SETD2: variants seen among roughly 807,000 people sequenced by gnomAD.
SETD2 encodes histone-lysine N-methyltransferase SETD2.
Under a neutral mutation model 242.1 loss-of-function variants are expected in SETD2, and 31 were observed. The ratio of observed to expected loss-of-function variants is 0.13; its 90% CI spans 0.10 to 0.17. The LOEUF is 0.17. SETD2 is among the 10% of genes least tolerant of loss of function. The pLI, the probability that SETD2 is intolerant of heterozygous loss-of-function variation, is 1.00. For missense variants in SETD2, 2,481 were observed against 3,046.3 expected (o/e 0.81, Z 4.37); for synonymous variants, 1,006 against 1,066.5 (o/e 0.94, Z 1.11).
intron 12 of SETD2, among the ~76,000 whole-genome samples, chr3:47,074,022 G>A (rs1303252413): frequency 6.6e-6 from 1 of 152,186 alleles, no homozygotes; most frequent in East Asian, 1.9e-4. Flanking sequence ...GTGAATGTGT[G>A]CAATGACTTA....
chr3:47,033,976 G>C (rs2038892731), intron 18 of SETD2, among the ~76,000 whole-genome samples: 1 of 152,132 alleles, frequency 6.6e-6, no homozygotes, highest in South Asian at 2.1e-4. Context: ...TCACCATGTT[G>C]GCTAGGCTAG....
At chr3:47,069,669 T>C (rs749476887) in intron 12 of SETD2, among the ~76,000 whole-genome samples, 13 of 152,224 alleles carry the variant, frequency 8.5e-5, no homozygotes, top group African/African-American at 1.2e-4. Context: ...TCTCTTGATC[T>C]GCTTTTGCCT....
chr3:47,117,261 C>CAA (rs5848820), intron 3 of SETD2, among the ~76,000 whole-genome samples: 30 of 66,472 alleles, frequency 4.5e-4, no homozygotes, highest in African/African-American at 1.6e-3. Flanking sequence ...CCTGCATTAC[C>CAA]AAAAAAAAAA....
At position 47,116,689 on chromosome 3, in the gene SETD2, T is replaced by A. The variant is rs745734582; in HGVS notation, c.4520A>T (p.Asp1507Val). ...MQCECTPLSK[D>V]ERAQGEIACG... ...TGCTATTTCACCTTGAGCTCTTTCA[T>A]CTTTAGAAAGAGGTGTACACTCACA... The change falls in exon 4 of 21, where the codon GAT (aspartate) becomes GTT (valine). Residue 1507 changes from aspartate (D) to valine (V), a missense_variant. By Grantham distance (152) the Asp-to-Val change is radical. This residue lies in a region of SETD2 where 48 missense variants were observed against 76.6 expected (regional missense o/e 0.63). Coordinates refer to ENST00000409792, the MANE Select transcript of SETD2 (RefSeq NM_014159.7). 6.2e-7 allele frequency: 1 copy of A among 1,606,802 alleles called. No homozygotes were observed. The highest frequency in any genetic ancestry group is 8.5e-7 in the Non-Finnish European group (1 of 1,173,546).
rs1196200001 is a variant in SETD2 at position 47,122,587 on chromosome 3, C to T, written c.2049G>A (p.Leu683=). 1 of 1,614,058 alleles carries T rather than the reference C, an allele frequency of 6.2e-7. No homozygotes were observed. The highest frequency in any genetic ancestry group is 8.5e-7 in the Non-Finnish European group (1 of 1,179,990). ...INGSPGAESD[L]ATFCTSKTDA... ...CAGTTTTAGAAGTGCAAAATGTTGC[C>T]AAATCAGATTCTGCCCCAGGAGATC... Residue 683 remains leucine, a synonymous_variant, in exon 3 of 21, where the codon TTG becomes TTA. Transcript: ENST00000409792.
intron 12 of SETD2, among the ~76,000 whole-genome samples, chr3:47,082,143 C>T (rs748332294): frequency 6.6e-6 from 1 of 152,068 alleles, no homozygotes; most frequent in Non-Finnish European, 1.5e-5. Flanking sequence ...TAATTCATAC[C>T]ATCACAATTA....
chr3:47,039,711 C>CA (rs554753105), intron 17 of SETD2, among the ~76,000 whole-genome samples: 3,880 of 101,558 alleles, frequency 0.038, 88 homozygotes, highest in Non-Finnish European at 0.056. Context: ...ACCGAAAATA[C>CA]AAAAAAAAAA....
At chr3:47,054,441 T>C (rs2039971773) in intron 15 of SETD2, among the ~76,000 whole-genome samples, 1 of 152,166 alleles carries the variant, frequency 6.6e-6, no homozygotes, top group Non-Finnish European at 1.5e-5. Flanking sequence ...GGAATAGGAA[T>C]GGGGATAGAC....
intron 12 of SETD2, among the ~76,000 whole-genome samples, chr3:47,075,282 G>A (rs1243893531): frequency 6.6e-6 from 1 of 152,122 alleles, no homozygotes; most frequent in African/African-American, 2.4e-5. Context: ...TAAAAAGGCT[G>A]GGCGCGGTGG....
chr3:47,145,487 T>A, intron 1 of SETD2: 1 of 434,584 alleles, frequency 2.3e-6, no homozygotes, highest in South Asian at 1.6e-5. Flanking sequence ...CTTGAACTCC[T>A]GGACTCAAAT....
At chr3:47,102,042 GT>G (rs1360208816) in intron 7 of SETD2, among the ~76,000 whole-genome samples, 1 of 152,196 alleles carries the variant, frequency 6.6e-6, no homozygotes, top group Non-Finnish European at 1.5e-5. Flanking sequence ...CCATGAAGTG[GT>G]GGTCATCTGG....
At chr3:47,111,381 A>G (rs1481681649) in intron 5 of SETD2, among the ~76,000 whole-genome samples, 1 of 149,030 alleles carries the variant, frequency 6.7e-6, no homozygotes, top group East Asian at 1.9e-4. Context: ...CCTAGGCAAC[A>G]TAGTGAGGAC....
At position 47,084,209 on chromosome 3, in the gene SETD2, T is replaced by C; in HGVS notation, c.5571A>G (p.Thr1857=). Residue 1857 remains threonine, a synonymous_variant, in exon 12 of 21, where the codon ACA becomes ACG. Transcript: ENST00000409792. The part of the protein sequence containing the change: ...NTSRAHTPLN[T]PDPSTKLSTE... Reference sequence around the variant, plus strand: ...TGCTCAGCTTGGTGGAAGGATCAGGTGTGTTGAGTGGTGTATGAGCACGCG... The same window carrying C: ...TGCTCAGCTTGGTGGAAGGATCAGGCGTGTTGAGTGGTGTATGAGCACGCG... The C allele has an allele frequency of 6.2e-7, 1 of 1,614,106 alleles. No homozygotes were observed. The highest frequency in any genetic ancestry group is 8.5e-7 in the Non-Finnish European group (1 of 1,180,004).
chr3:47,058,452 AAAAAAAAAAAAAC>A (rs1257265449), intron 14 of SETD2, among the ~76,000 whole-genome samples: 1 of 149,092 alleles, frequency 6.7e-6, no homozygotes, highest in African/African-American at 2.5e-5. Context: ...AAAAAAAAAA[AAAAAAAAAAAAAC>A]ACAAAGAGGG....
chr3:47,105,200 A>G (rs993235379), intron 6 of SETD2, among the ~76,000 whole-genome samples: 29 of 152,134 alleles, frequency 1.9e-4, no homozygotes, highest in Non-Finnish European at 3.8e-4. Flanking sequence ...GCTTGAGGCC[A>G]GGAGTTCAAG....
intron 5 of SETD2, among the ~76,000 whole-genome samples, chr3:47,113,106 CT>C (rs67797383): frequency 5.4e-5 from 8 of 148,276 alleles, no homozygotes; most frequent in East Asian, 4.0e-4. Context: ...CTCTTCTACT[CT>C]TTTTTTTTTT....
chr3:47,080,287 T>C (rs921256209), intron 12 of SETD2, among the ~76,000 whole-genome samples: 2 of 152,224 alleles, frequency 1.3e-5, no homozygotes, highest in African/African-American at 4.8e-5. Flanking sequence ...CACATGTAGG[T>C]AATTTTGTCC....
Position 47,123,840 on chromosome 3 carries a change from G to C in SETD2, c.796C>G (p.His266Asp), listed in dbSNP as rs1320353083. ...QDTISNSLEE[H>D]VTQILNEQAD... Reference sequence around the variant, plus strand: ...TGCTCATTCAATATTTGAGTTACGTGTTCTTCTAAACTATTAGATATAGTG... The same window carrying C: ...TGCTCATTCAATATTTGAGTTACGTCTTCTTCTAAACTATTAGATATAGTG... Residue 266 changes from histidine (H) to aspartate (D), a missense_variant, in exon 3 of 21, where the codon CAC becomes GAC. Transcript: ENST00000409792. 6.5e-7 allele frequency: 1 copy of C among 1,548,386 alleles called. No homozygotes were observed. Among genetic ancestry groups the C allele is most frequent in the Non-Finnish European group, 8.7e-7 (1 of 1,144,570 alleles).
intron 12 of SETD2, among the ~76,000 whole-genome samples, chr3:47,077,161 T>C (rs1443830981): frequency 6.6e-6 from 1 of 152,198 alleles, no homozygotes; most frequent in Non-Finnish European, 1.5e-5. Flanking sequence ...CTCAGCTCAC[T>C]GCAACCTCTA....
Sources: allele counts gnomAD v4.1 joint callset (sites outside exome capture counted in the v4.1 genomes callset), GRCh38; gene constraint gnomAD v4.1.1; regional missense constraint gnomAD v4.1.1; transcripts MANE v1.5; gene names NCBI Gene and HGNC (gene_info 2026-07-23, HGNC 2026-07-21).